PCM1: variants seen among roughly 807,000 people sequenced by gnomAD.
PCM1 encodes pericentriolar material 1, also known as pericentriolar material 1 protein.
A neutral mutation model predicts 241.9 loss-of-function variants in PCM1; 157 were observed. The observed-to-expected ratio is 0.65, with a 90% CI of 0.57 to 0.74. The LOEUF is 0.74. PCM1 is among the 30% of genes least tolerant of loss of function. PCM1 has a pLI of 0.00. For synonymous variants in PCM1, 1,085 were observed against 784.9 expected, an observed-to-expected ratio of 1.38 and a Z score of -6.39; for missense variants, 3,478 against 2,360.1, an observed-to-expected ratio of 1.47 and a Z score of -9.81.
intron 6 of PCM1, among the ~76,000 whole-genome samples, chr8:17,945,956 A>C (rs1012500201): frequency 8.5e-5 from 13 of 152,326 alleles, no homozygotes; most frequent in Admixed American, 8.5e-4. Flanking sequence ...TTCAACTTTT[A>C]AAATAAAAGA....
intron 29 of PCM1, among the ~76,000 whole-genome samples, chr8:18,001,440 T>G (rs1213078127): frequency 2.6e-5 from 4 of 152,198 alleles, no homozygotes; most frequent in Non-Finnish European, 5.9e-5. Flanking sequence ...ACTAACCAGT[T>G]TATATTCCCA....
At chr8:17,983,103 T>C in intron 24 of PCM1, 1 of 326,556 alleles carries the variant, frequency 3.1e-6, no homozygotes, top group Non-Finnish European at 5.5e-6. Context: ...AGCGTAAGCC[T>C]TAGTTCAGGC....
chr8:17,978,354 T>A (rs912440845), intron 23 of PCM1, among the ~76,000 whole-genome samples: 2 of 151,942 alleles, frequency 1.3e-5, no homozygotes, highest in Admixed American at 1.3e-4. Context: ...AGACTGCAGA[T>A]CAGAACAGCT....
chr8:18,000,818 T>C (rs1319783529), intron 29 of PCM1, among the ~76,000 whole-genome samples: 1 of 152,102 alleles, frequency 6.6e-6, no homozygotes, highest in African/African-American at 2.4e-5. Context: ...AGATGGTGTT[T>C]CCCTATGTTG....
chr8:18,012,374 G>T (rs1318095432), intron 34 of PCM1, among the ~76,000 whole-genome samples: 1 of 151,954 alleles, frequency 6.6e-6, no homozygotes, highest in African/African-American at 2.4e-5. Context: ...TGACTTAATG[G>T]CCCCAAAGCA....
intron 29 of PCM1, among the ~76,000 whole-genome samples, chr8:18,001,598 G>A (rs1270400233): frequency 1.3e-5 from 2 of 152,130 alleles, no homozygotes; most frequent in Admixed American, 6.5e-5. Flanking sequence ...AATTTAAAAT[G>A]GAAGTTTTAA....
intron 29 of PCM1, among the ~76,000 whole-genome samples, chr8:17,994,260 C>G (rs566957973): frequency 8.3e-4 from 126 of 152,258 alleles, no homozygotes; most frequent in South Asian, 2.1e-3. Context: ...TTTTAGCTCC[C>G]ACAAGTAAGT....
intron 23 of PCM1, among the ~76,000 whole-genome samples, chr8:17,975,626 T>G (rs774843403): frequency 1.1e-4 from 17 of 152,266 alleles, no homozygotes; most frequent in African/African-American, 3.9e-4. Flanking sequence ...TAGTGGGAAT[T>G]ACACTGCTGT....
Position 17,939,859 on chromosome 8 carries a change from C to G in PCM1, c.781C>G (p.Leu261Val), listed in dbSNP as rs900525618. 1.4e-6 allele frequency: 2 copies of G among 1,450,576 alleles called. No homozygotes were observed. Among genetic ancestry groups the G allele is most frequent in the African/African-American group, 2.8e-5 (2 of 70,310 alleles). The allele number at this position is 1,450,576 out of a possible 1,614,324, so 89.9% of individuals were successfully genotyped here. The part of the protein sequence containing the change: ...KSYMKFLKKI[L>V]ARDPQQEPME... The stretch of plus-strand genomic sequence containing the variant: ...ATATATGAAATTTCTTAAAAAAATC[C>G]TTGTAAGTATTCGACTTTTAAAATA... The change falls in exon 6 of 39, where the codon CTT becomes GTT. Residue 261 changes from leucine to valine, a missense_variant and splice_region_variant. Physicochemically the swap from Leu to Val is conservative, Grantham distance 32. Coordinates refer to ENST00000325083, the MANE Select transcript of PCM1 (RefSeq NM_006197.4).
intron 38 of PCM1, among the ~76,000 whole-genome samples, chr8:18,027,194 G>C (rs2094295614): frequency 6.6e-6 from 1 of 152,166 alleles, no homozygotes; most frequent in Non-Finnish European, 1.5e-5. Flanking sequence ...TCTGTTTTCA[G>C]CCCACTTCTA....
At position 18,010,626 on chromosome 8, in the gene PCM1, A is replaced by G; in HGVS notation, c.5178A>G (p.Glu1726=). ...SCAKEAKRIL[E]DHGSPAGEID... Reference sequence around the variant, plus strand: ...TTTTAAAGGCTAAAAGGATTCTTGAAGATCATGGCTCACCTGCTGGAGAGA... The same window carrying G: ...TTTTAAAGGCTAAAAGGATTCTTGAGGATCATGGCTCACCTGCTGGAGAGA... Residue 1726 remains glutamate, a synonymous_variant, in exon 32 of 39, where the codon GAA becomes GAG. Transcript: ENST00000325083. The G allele has an allele frequency of 6.2e-7, 1 of 1,602,128 alleles. No individual in the cohort carries two copies. The highest frequency in any genetic ancestry group is 8.5e-7 in the Non-Finnish European group (1 of 1,174,826).
At chr8:17,951,282 T>C (rs1008326394) in intron 8 of PCM1, among the ~76,000 whole-genome samples, 4 of 152,182 alleles carry the variant, frequency 2.6e-5, no homozygotes, top group African/African-American at 7.2e-5. Flanking sequence ...TGCCTCTCCA[T>C]TGGAAGTGAG....
At chr8:18,020,966 G>A (rs904152744) in intron 36 of PCM1, among the ~76,000 whole-genome samples, 7 of 152,120 alleles carry the variant, frequency 4.6e-5, no homozygotes, top group Non-Finnish European at 7.3e-5. Context: ...GCTCATGCTC[G>A]TAGGACTGAA....
intron 22 of PCM1, among the ~76,000 whole-genome samples, chr8:17,970,311 C>A (rs528198523): frequency 6.6e-6 from 1 of 152,188 alleles, no homozygotes; most frequent in African/African-American, 2.4e-5. Context: ...GATTGTCTTT[C>A]CTACTCCATA....
chr8:17,935,796 T>C lies in PCM1; in HGVS notation c.96+90T>C. On this transcript the variant is annotated intron_variant, in intron 3 of 38. Transcript: ENST00000325083. ...GACCAAATTTAACTCACTGATGCTC[T>C]TTGTATACACTTGCTGGCCAAGACA... 10 of 678,596 alleles carry C rather than the reference T, an allele frequency of 1.5e-5. No individual in the cohort carries two copies. The South Asian group carries it at 1.7e-4, about 12-fold the overall frequency. 42.0% of individuals were successfully genotyped at this position (678,596 alleles called of 1,614,324 possible).
intron 30 of PCM1, among the ~76,000 whole-genome samples, chr8:18,008,868 A>G (rs1373411230): frequency 6.6e-6 from 1 of 152,160 alleles, no homozygotes; most frequent in African/African-American, 2.4e-5. Flanking sequence ...GTTGTCTAAG[A>G]AGAAGAAATC....
Position 17,930,151 on chromosome 8 carries a change from C to T in PCM1, c.-23+5371C>T, listed in dbSNP as rs181087636. ...CAGAGTCTCGCTCTTCCGCCCAGGC[C>T]GGAGTGCAGTGGTGTTATCTGGGTT... On this transcript the variant is annotated intron_variant, in intron 2 of 38. Transcript: ENST00000325083. Among the ~76,000 whole-genome samples, 6 of 149,326 alleles carry T rather than the reference C, an allele frequency of 4.0e-5. No individual in the cohort carries two copies. The East Asian group carries it at 5.9e-4, about 15-fold the overall frequency.
intron 2 of PCM1, among the ~76,000 whole-genome samples, chr8:17,930,752 T>C (rs12335048): frequency 0.49 from 74,673 of 151,400 alleles, 19,812 homozygotes; most frequent in Non-Finnish European, 0.61. Context: ...TGGTGGCGGG[T>C]GCCTGTAGTC....
chr8:17,949,964 T>C (rs1309151997), intron 7 of PCM1, among the ~76,000 whole-genome samples: 2 of 152,150 alleles, frequency 1.3e-5, no homozygotes, highest in Non-Finnish European at 2.9e-5. Context: ...TTAGTATGAC[T>C]TGTATCACAA....
Sources: gnomAD v4.1 joint callset for allele counts (sites outside exome capture counted in the v4.1 genomes callset) on GRCh38, gnomAD v4.1.1 for gene constraint, MANE v1.5 for transcripts, NCBI Gene and HGNC (gene_info 2026-07-23, HGNC 2026-07-21) for gene names.